CNTNAP2: variants seen among roughly 807,000 people sequenced by gnomAD.
CNTNAP2 encodes contactin associated protein 2.
CNTNAP2 carries 98 observed loss-of-function variants against 155.2 expected under a neutral mutation model. The observed-to-expected ratio is 0.63, with a 90% CI of 0.54 to 0.75. The LOEUF is 0.75. Ranked by LOEUF, CNTNAP2 falls within the 30% of genes least tolerant of loss-of-function variation. CNTNAP2 has a pLI of 0.00. For synonymous variants in CNTNAP2, 651 were observed against 631.2 expected (o/e 1.03, Z -0.47); for missense variants, 1,727 against 1,688.1 (o/e 1.02, Z -0.40).
At chr7:147,558,383 C>G (rs954407838) in intron 11 of CNTNAP2, among the ~76,000 whole-genome samples, 1 of 152,070 alleles carries the variant, frequency 6.6e-6, no homozygotes, top group African/African-American at 2.4e-5. Flanking sequence ...ATTAGTCTAC[C>G]TTGAATTTAC....
At chr7:147,258,384 T>C (rs1804377540) in intron 8 of CNTNAP2, among the ~76,000 whole-genome samples, 1 of 152,154 alleles carries the variant, frequency 6.6e-6, no homozygotes, top group Non-Finnish European at 1.5e-5. Context: ...TTCTAGCAAC[T>C]TGAAACTATA....
chr7:146,781,262 G>A (rs1802484219), intron 2 of CNTNAP2, among the ~76,000 whole-genome samples: 1 of 150,420 alleles, frequency 6.6e-6, no homozygotes. Context: ...CACCCTAGGT[G>A]ACAGGTTGAT....
rs112528543 is a variant in CNTNAP2 at position 148,015,401 on chromosome 7, C to T, written c.2383+37412C>T. ...GAAGCAACTCTCCTGCAGTGAAGGC[C>T]GCACAGTGGGCTCTGCTCCTAAATC... On this transcript the variant is annotated intron_variant, in intron 15 of 23. Coordinates refer to ENST00000361727, the MANE Select transcript of CNTNAP2 (RefSeq NM_014141.6). Among the ~76,000 whole-genome samples the T allele has an allele frequency of 2.3e-4, 35 of 152,260 alleles. 1 individual carries two copies. Among genetic ancestry groups the T allele is most frequent in the African/African-American group, 8.4e-4 (35 of 41,542 alleles).
intron 13 of CNTNAP2, among the ~76,000 whole-genome samples, chr7:147,774,342 T>C (rs550657527): frequency 2.0e-5 from 3 of 152,226 alleles, no homozygotes; most frequent in Non-Finnish European, 4.4e-5. Context: ...AGAAATTCCA[T>C]GGAGAAGAAT....
intron 3 of CNTNAP2, among the ~76,000 whole-genome samples, chr7:146,885,283 C>T (rs141899702): frequency 6.6e-6 from 1 of 152,034 alleles, no homozygotes; most frequent in Non-Finnish European, 1.5e-5. Context: ...TCAAATAAAT[C>T]TTTTATTTTT....
intron 12 of CNTNAP2, among the ~76,000 whole-genome samples, chr7:147,591,751 G>A (rs1800737866): frequency 6.6e-6 from 1 of 152,098 alleles, no homozygotes. Context: ...GTAGCCTTCA[G>A]GATAATGTCC....
intron 4 of CNTNAP2, among the ~76,000 whole-genome samples, chr7:147,098,787 T>C (rs978106167): frequency 6.6e-6 from 1 of 152,142 alleles, no homozygotes; most frequent in African/African-American, 2.4e-5. Flanking sequence ...TACTAATATT[T>C]TATTACTTTA....
chr7:147,460,038 T>C (rs1186761163), intron 10 of CNTNAP2, among the ~76,000 whole-genome samples: 1 of 151,988 alleles, frequency 6.6e-6, no homozygotes, highest in Non-Finnish European at 1.5e-5. Flanking sequence ...AAATACCTAA[T>C]GTAGATGACA....
At chr7:147,367,543 TTAAA>T (rs371886989) in intron 9 of CNTNAP2, among the ~76,000 whole-genome samples, 8 of 152,074 alleles carry the variant, frequency 5.3e-5, no homozygotes, top group Admixed American at 1.3e-4. Flanking sequence ...CATAATAATA[TTAAA>T]TAACAGCAAA....
intron 3 of CNTNAP2, among the ~76,000 whole-genome samples, chr7:146,978,280 G>A (rs531622020): frequency 1.3e-5 from 2 of 152,120 alleles, no homozygotes; most frequent in Non-Finnish European, 2.9e-5. Context: ...AAGTGATAAG[G>A]TGGTTCAGTG....
Position 148,369,181 on chromosome 7 carries a change from C to CTTTTTTTTTTTTTTTTTT in CNTNAP2, c.3476-14455_3476-14438dup, listed in dbSNP as rs376460265. Among the ~76,000 whole-genome samples the CTTTTTTTTTTTTTTTTTT allele has an allele frequency of 6.5e-5, 6 of 92,306 alleles. 1 individual carries two copies. The highest frequency in any genetic ancestry group is 9.3e-5 in the African/African-American group (2 of 21,436). The allele number at this position is 92,306 out of a possible 152,430, so 60.6% of individuals were successfully genotyped here. A position where few individuals can be genotyped will look rare whatever the true frequency, so the allele number is the denominator to read the frequency against. On this transcript the variant is annotated intron_variant, in intron 21 of 23. Transcript: ENST00000361727. ...ATTTTTTTTAATTAAAATTGAATCC[C>CTTTTTTTTTTTTTTTTTT]TTTTTTTTTTTTTTTTTTTTTTTTT...
chr7:146,355,750 T>C lies in CNTNAP2; in HGVS notation c.97+238777T>C, dbSNP rs914692804. 2.0e-5 allele frequency among the ~76,000 whole-genome samples: 3 copies of C among 152,196 alleles called. No homozygotes were observed. The South Asian group carries it at 6.2e-4, about 31-fold the overall frequency. Reference sequence around the variant, plus strand: ...TATTATGATGATTTTTGCTTTTGTCTTGTTCAAGTAGTTTTAAATTTTGGA... The same window carrying C: ...TATTATGATGATTTTTGCTTTTGTCCTGTTCAAGTAGTTTTAAATTTTGGA... On this transcript the variant is annotated intron_variant, in intron 1 of 23. Coordinates refer to ENST00000361727, the MANE Select transcript of CNTNAP2 (RefSeq NM_014141.6).
At chr7:146,592,560 C>T (rs779994757) in intron 1 of CNTNAP2, among the ~76,000 whole-genome samples, 2 of 152,158 alleles carry the variant, frequency 1.3e-5, no homozygotes, top group Non-Finnish European at 2.9e-5. Flanking sequence ...AGAGATTACT[C>T]CTCATACATG....
At chr7:147,363,626 A>G (rs1201538920) in intron 9 of CNTNAP2, among the ~76,000 whole-genome samples, 1 of 152,238 alleles carries the variant, frequency 6.6e-6, no homozygotes, top group Non-Finnish European at 1.5e-5. Context: ...AGACTCTTTG[A>G]TAAAGCATAT....
At chr7:147,387,746 A>G (rs1796646685) in intron 9 of CNTNAP2, among the ~76,000 whole-genome samples, 1 of 152,132 alleles carries the variant, frequency 6.6e-6, no homozygotes, top group Non-Finnish European at 1.5e-5. Context: ...ATATACGATT[A>G]TTATTGACTG....
chr7:147,215,458 CT>C (rs1803247384), intron 8 of CNTNAP2, among the ~76,000 whole-genome samples: 1 of 152,136 alleles, frequency 6.6e-6, no homozygotes, highest in African/African-American at 2.4e-5. Context: ...AGTATGTAGC[CT>C]TTTCATATTG....
At chr7:148,068,330 A>C (rs936800100) in intron 15 of CNTNAP2, among the ~76,000 whole-genome samples, 10 of 152,184 alleles carry the variant, frequency 6.6e-5, no homozygotes, top group Admixed American at 4.6e-4. Flanking sequence ...TTCCCTGGGC[A>C]CCAGGAATGC....
At chr7:148,058,250 T>G (rs1271669546) in intron 15 of CNTNAP2, among the ~76,000 whole-genome samples, 2 of 152,056 alleles carry the variant, frequency 1.3e-5, no homozygotes, top group Admixed American at 6.6e-5. Context: ...CATTAAGAAT[T>G]GGCAAGCTCT....
chr7:147,084,991 G>A (rs982721472), intron 4 of CNTNAP2, among the ~76,000 whole-genome samples: 2 of 151,810 alleles, frequency 1.3e-5, no homozygotes, highest in Admixed American at 1.3e-4. Flanking sequence ...CTAACTCTGA[G>A]AGGTTTGAGT....
Sources: allele counts gnomAD v4.1 joint callset (sites outside exome capture counted in the v4.1 genomes callset), GRCh38; gene constraint gnomAD v4.1.1; transcripts MANE v1.5; gene names NCBI Gene and HGNC (gene_info 2026-07-23, HGNC 2026-07-21).